The following PRKN variants were observed in gnomAD, a reference collection of about 807,000 sequenced individuals.
PRKN encodes the protein parkin RBR E3 ubiquitin protein ligase.
A neutral mutation model predicts 59.5 loss-of-function variants in PRKN; 56 were observed. That is an observed-to-expected ratio of 0.94 (90% CI 0.76 to 1.18). PRKN has a LOEUF of 1.18. Among genes scored for constraint, PRKN ranks in the 50% most tolerant of loss-of-function variants. PRKN has a pLI of 0.00. For missense variants in PRKN, 657 were observed against 596.4 expected, an observed-to-expected ratio of 1.10 and a Z score of -1.06; for synonymous variants, 250 against 222.1, an observed-to-expected ratio of 1.13 and a Z score of -1.12.
chr6:161,511,341 T>C (rs750272471), intron 9 of PRKN, among the ~76,000 whole-genome samples: 14 of 152,190 alleles, frequency 9.2e-5, no homozygotes, highest in Non-Finnish European at 8.8e-5. Context: ...TGATTTAAAC[T>C]TTTGCAACAA....
intron 9 of PRKN, among the ~76,000 whole-genome samples, chr6:161,491,123 C>G (rs1040040922): frequency 3.9e-5 from 6 of 152,150 alleles, no homozygotes; most frequent in Admixed American, 3.3e-4. Context: ...TTACAGATAC[C>G]ATTGCCTGTG....
At chr6:161,540,759 T>G (rs113051648) in intron 9 of PRKN, among the ~76,000 whole-genome samples, 1 of 152,238 alleles carries the variant, frequency 6.6e-6, no homozygotes, top group African/African-American at 2.4e-5. Context: ...TGTGCTGTTC[T>G]GCTTGTTCAA....
chr6:161,670,569 A>C (rs2128168735), intron 7 of PRKN, among the ~76,000 whole-genome samples: 1 of 152,308 alleles, frequency 6.6e-6, no homozygotes, highest in Non-Finnish European at 1.5e-5. Context: ...TAATCCCAGC[A>C]CTTTGGGAGG....
chr6:162,540,375 G>A (rs541810527), intron 1 of PRKN, among the ~76,000 whole-genome samples: 2 of 152,114 alleles, frequency 1.3e-5, no homozygotes, highest in East Asian at 1.9e-4. Context: ...GCCCGGCCAT[G>A]AATTTAAATA....
chr6:161,982,239 TCAAGGA>T, intron 5 of PRKN, among the ~76,000 whole-genome samples: 1 of 125,746 alleles, frequency 8.0e-6, no homozygotes, highest in Non-Finnish European at 1.7e-5. Flanking sequence ...TGCCCACTGC[TCAAGGA>T]AATAAAAGAG....
intron 3 of PRKN, among the ~76,000 whole-genome samples, chr6:162,201,785 C>T (rs189224555): frequency 1.8e-4 from 28 of 152,224 alleles, no homozygotes; most frequent in Middle Eastern, 3.4e-3. Flanking sequence ...AAGAGGCCAA[C>T]GCTGAGGAAC....
chr6:162,228,704 G>A (rs185014825), intron 3 of PRKN, among the ~76,000 whole-genome samples: 6 of 152,168 alleles, frequency 3.9e-5, no homozygotes, highest in South Asian at 4.1e-4. Context: ...TTAATGAGGC[G>A]AAAACATGAA....
At chr6:162,045,140 A>T (rs1476400745) in intron 5 of PRKN, among the ~76,000 whole-genome samples, 1 of 152,168 alleles carries the variant, frequency 6.6e-6, no homozygotes, top group Non-Finnish European at 1.5e-5. Flanking sequence ...ATTTTTGTGA[A>T]GTCTTCTCTA....
In PRKN at chr6:162,727,716, GCAGCGGCGCCAGCCGCGCCTCCCAC is replaced by G; in HGVS notation, c.-73_-49del. On this transcript the variant is annotated 5_prime_UTR_variant, in exon 1 of 12. Transcript: ENST00000366898. ...GCGGGCCAGGAACAGGCCCATGCGC[GCAGCGGCGCCAGCCGCGCCTCCCAC>G]CAGCGGCTCTCCTGGGTTAAATCCT... The G allele has an allele frequency of 1.3e-6, 2 of 1,550,970 alleles. No homozygotes were observed. Among genetic ancestry groups the G allele is most frequent in the South Asian group, 1.2e-5 (1 of 84,310 alleles).
chr6:162,309,216 A>G (rs1782363381), intron 2 of PRKN, among the ~76,000 whole-genome samples: 1 of 152,146 alleles, frequency 6.6e-6, no homozygotes, highest in Non-Finnish European at 1.5e-5. Context: ...CCTGGAGTGC[A>G]GTGGCATGAT....
chr6:162,437,811 T>A (rs964147823), intron 2 of PRKN, among the ~76,000 whole-genome samples: 5 of 152,200 alleles, frequency 3.3e-5, no homozygotes, highest in African/African-American at 9.7e-5. Context: ...AGGTACCAGT[T>A]TGTTGAACCA....
intron 5 of PRKN, among the ~76,000 whole-genome samples, chr6:161,977,352 T>C (rs1362364268): frequency 6.6e-6 from 1 of 152,160 alleles, no homozygotes; most frequent in Non-Finnish European, 1.5e-5. Context: ...AGTCAGATTC[T>C]ACAGGTGCAG....
chr6:161,941,368 G>T (rs570463994), intron 6 of PRKN, among the ~76,000 whole-genome samples: 1 of 152,230 alleles, frequency 6.6e-6, no homozygotes, highest in Non-Finnish European at 1.5e-5. Flanking sequence ...CTGGCAGAAC[G>T]ATGTGGAGTG....
intron 6 of PRKN, among the ~76,000 whole-genome samples, chr6:161,848,426 C>G (rs531692322): frequency 6.6e-6 from 1 of 152,164 alleles, no homozygotes; most frequent in Admixed American, 6.5e-5. Context: ...CAAAATGTGT[C>G]TCTCTAATTC....
In PRKN at chr6:162,510,796, G is replaced by A. The variant is rs542117966; in HGVS notation, c.8-67323C>T. Among the ~76,000 whole-genome samples the A allele has an allele frequency of 2.2e-4, 34 of 152,054 alleles. 1 individual carries two copies. The highest frequency in any genetic ancestry group is 7.8e-4 in the East Asian group (4 of 5,144). On this transcript the variant is annotated intron_variant, in intron 1 of 11. Transcript: ENST00000366898. ...AAATTAGCCAGGTGTGGTGGTATGCGCCTGTAATTCCAGCTACTCGGGAGG... is the reference window on the plus strand; with the variant it reads ...AAATTAGCCAGGTGTGGTGGTATGCACCTGTAATTCCAGCTACTCGGGAGG...
intron 9 of PRKN, among the ~76,000 whole-genome samples, chr6:161,513,042 G>A (rs991476272): frequency 6.6e-6 from 1 of 152,202 alleles, no homozygotes; most frequent in Admixed American, 6.5e-5. Context: ...TCTTGCCACG[G>A]TTTCGATTTC....
chr6:162,504,350 G>A (rs1793511339), intron 1 of PRKN, among the ~76,000 whole-genome samples: 1 of 152,178 alleles, frequency 6.6e-6, no homozygotes, highest in South Asian at 2.1e-4. Context: ...ACTTGGAAAA[G>A]GGGTTTACAA....
At chr6:162,087,796 G>C (rs1280263091) in intron 4 of PRKN, among the ~76,000 whole-genome samples, 1 of 152,054 alleles carries the variant, frequency 6.6e-6, no homozygotes, top group Admixed American at 6.5e-5. Context: ...GTTTCACCAT[G>C]TTGGTCAGGC....
At chr6:162,092,242 C>A (rs1310564950) in intron 4 of PRKN, among the ~76,000 whole-genome samples, 1 of 152,146 alleles carries the variant, frequency 6.6e-6, no homozygotes, top group African/African-American at 2.4e-5. Context: ...ATAGTCCCAG[C>A]TACTCGGGAG....
Sources: gnomAD v4.1 joint callset for allele counts (sites outside exome capture counted in the v4.1 genomes callset) on GRCh38, gnomAD v4.1.1 for gene constraint, MANE v1.5 for transcripts, NCBI Gene and HGNC (gene_info 2026-07-23, HGNC 2026-07-21) for gene names.